Variants in CCM2L observed in about 807,000 individuals in gnomAD.
CCM2L encodes the protein CCM2 like scaffold protein.
In CCM2L, 36 loss-of-function variants were observed where a neutral mutation model predicts 54.1. That is an observed-to-expected ratio of 0.67 (90% CI 0.51 to 0.88). The LOEUF (loss-of-function observed/expected upper bound fraction) is 0.88, where lower values mean the gene tolerates loss of function less well. CCM2L is among the 40% of genes least tolerant of loss of function. The pLI, the probability that CCM2L is intolerant of heterozygous loss-of-function variation, is 0.00. For missense variants in CCM2L, 700 were observed against 812.1 expected (o/e 0.86, Z 1.68); for synonymous variants, 351 against 359.3 (o/e 0.98, Z 0.26).
intron 5 of CCM2L, among the ~76,000 whole-genome samples, chr20:32,020,892 G>A (rs1020996473): frequency 1.3e-5 from 2 of 152,122 alleles, no homozygotes; most frequent in African/African-American, 4.8e-5. Context: ...GCTGAAGCAC[G>A]AGAATCCCTT....
In CCM2L at chr20:32,019,220, G is replaced by A; in HGVS notation, c.744G>A (p.Glu248=). ...GGCAGACGTTCAGCGGCAGCTGGGA[G>A]CGGCGGCACGGAGGCGGCGGCGGCG... The part of the protein sequence containing the change: ...ERRQTFSGSW[E]RRHGGGGGGG... The change falls in exon 5 of 10, where the codon GAG becomes GAA. Residue 248 remains glutamate (E), a synonymous_variant. Coordinates refer to ENST00000452892, the MANE Select transcript of CCM2L (RefSeq NM_001365692.1). The A allele has an allele frequency of 8.7e-7, 1 of 1,154,212 alleles. No individual in the cohort carries two copies. The highest frequency in any genetic ancestry group is 1.1e-6 in the Non-Finnish European group (1 of 925,814). 71.5% of individuals were successfully genotyped at this position (1,154,212 alleles called of 1,614,324 possible).
At chr20:32,012,636 C>T (rs2122309614) in intron 1 of CCM2L, among the ~76,000 whole-genome samples, 1 of 152,268 alleles carries the variant, frequency 6.6e-6, no homozygotes, top group Non-Finnish European at 1.5e-5. Context: ...TGCACAGTCT[C>T]AAGCTCCAAC....
At chr20:32,024,748 A>G (rs1270344955) in intron 6 of CCM2L, among the ~76,000 whole-genome samples, 1 of 152,220 alleles carries the variant, frequency 6.6e-6, no homozygotes, top group African/African-American at 2.4e-5. Context: ...AATCACTCGA[A>G]CCTGGGAGGT....
rs147652161 is a variant in CCM2L, at chr20:32,011,209, G to A, written c.30+725G>A. On this transcript the variant is annotated intron_variant, in intron 1 of 9. Coordinates refer to ENST00000452892, the MANE Select transcript of CCM2L (RefSeq NM_001365692.1). The stretch of plus-strand genomic sequence containing the variant: ...GGCTCAGAAGGGAGCCAAGACATAC[G>A]TGCATGTTTTCTCTTAGTTTGTTCT... 2.4e-3 allele frequency among the ~76,000 whole-genome samples: 360 copies of A among 150,562 alleles called. 12 individuals carry two copies. The East Asian group carries it at 0.061, about 26-fold the overall frequency.
In CCM2L at chr20:32,031,340, T is replaced by C; in HGVS notation, c.*26T>C. The C allele has an allele frequency of 8.0e-7, 1 of 1,251,396 alleles. No homozygotes were observed. Among genetic ancestry groups the C allele is most frequent in the Non-Finnish European group, 1.0e-6 (1 of 971,262 alleles). The allele number at this position is 1,251,396 out of a possible 1,614,324, so 77.5% of individuals were successfully genotyped here. A position where few individuals can be genotyped will look rare whatever the true frequency, so the allele number is the denominator to read the frequency against. On this transcript the variant is annotated 3_prime_UTR_variant, in exon 10 of 10. Transcript: ENST00000452892. ...CCACCGCCCCTGCGGACGGCGTGGC[T>C]CAGCAGCCCACCTCTGAGTCTCAGC...
In CCM2L at chr20:32,015,008, TC is replaced by T; in HGVS notation, c.141del (p.Asp48ThrfsTer27). On this transcript the variant is annotated frameshift_variant, in exon 2 of 10. Coordinates refer to ENST00000452892, the MANE Select transcript of CCM2L (RefSeq NM_001365692.1). LOFTEE classifies it high-confidence loss of function. ...RRPLHSMPLY[P>X]PDYLIDPQIL... ...GGCCCCTGCACTCGATGCCCCTTTA[TC>T]CCCCCGACTACCTCATCGACCCCCA... The T allele has an allele frequency of 1.3e-6, 2 of 1,573,162 alleles. No individual in the cohort carries two copies. Among genetic ancestry groups the T allele is most frequent in the Admixed American group, 1.9e-5 (1 of 52,704 alleles).
At chr20:32,014,788 C>G in intron 1 of CCM2L, 116 bp from the exon 2 acceptor site, 1 of 984,194 alleles carries the variant, frequency 1.0e-6, no homozygotes, top group Non-Finnish European at 1.5e-6. Flanking sequence ...ACAGAGGTAC[C>G]CCTTCTGCAG....
chr20:32,020,831 A>G (rs1268616571), intron 5 of CCM2L, among the ~76,000 whole-genome samples: 1 of 152,196 alleles, frequency 6.6e-6, no homozygotes, highest in East Asian at 1.9e-4. Flanking sequence ...GAAAAATACA[A>G]AAATTAGCCA....
chr20:32,013,446 T>G, intron 1 of CCM2L, among the ~76,000 whole-genome samples: 1 of 151,944 alleles, frequency 6.6e-6, no homozygotes, highest in East Asian at 1.9e-4. Flanking sequence ...GTGGGGGTTG[T>G]TTGTTTTGTT....
In CCM2L at chr20:32,014,924, A is replaced by T; in HGVS notation, c.51A>T (p.Arg17=). ...KGKKGFVSPI[R]RLVFPKAGRR... ...CCCAGGGCTTTGTATCCCCCATCCG[A>T]AGGCTGGTGTTCCCCAAGGCCGGGC... The change falls in exon 2 of 10, where the codon CGA becomes CGT. Residue 17 remains arginine (R), a synonymous_variant. Coordinates refer to ENST00000452892, the MANE Select transcript of CCM2L (RefSeq NM_001365692.1). The T allele has an allele frequency of 1.2e-6, 2 of 1,600,038 alleles. No individual in the cohort carries two copies. The highest frequency in any genetic ancestry group is 1.7e-6 in the Non-Finnish European group (2 of 1,173,474).
At chr20:32,012,097 G>A (rs2064700407) in intron 1 of CCM2L, among the ~76,000 whole-genome samples, 2 of 152,052 alleles carry the variant, frequency 1.3e-5, no homozygotes, top group South Asian at 4.1e-4. Context: ...CTCCCAGATA[G>A]TTTCTTCTCA....
At chr20:32,025,950 C>G (rs149637353) in intron 7 of CCM2L, 31 bp downstream of exon 7, 1 of 1,299,420 alleles carries the variant, frequency 7.7e-7, no homozygotes, top group Admixed American at 2.3e-5. Flanking sequence ...GGACTCCACC[C>G]TGCTCCCCTA....
At chr20:32,025,974 A>C (rs927072253) in intron 7 of CCM2L, 55 bp downstream of exon 7, 1 of 1,251,666 alleles carries the variant, frequency 8.0e-7, no homozygotes, top group African/African-American at 1.5e-5. Flanking sequence ...CTGCACAAAC[A>C]GGGTGACTAG....
chr20:32,029,028 C>G lies in CCM2L; in HGVS notation c.1167C>G (p.Tyr389Ter), dbSNP rs1275676614. 6.2e-7 allele frequency: 1 copy of G among 1,614,082 alleles called. No homozygotes were observed. Among genetic ancestry groups the G allele is most frequent in the Non-Finnish European group, 8.5e-7 (1 of 1,180,032 alleles). Residue 389 changes from tyrosine (Y) to a stop codon, truncating the protein, a stop_gained, in exon 8 of 10, where the codon TAC becomes TAG. Transcript: ENST00000452892. LOFTEE classifies it high-confidence loss of function. ...CCCAGGACACCTTTGAAGCATGTTA[C>G]AGCGGCACGTCCACACCTTCTTTCC... ...NGSQDTFEAC[Y>*]SGTSTPSFHG...
intron 8 of CCM2L, 55 bp from the exon 9 acceptor site, chr20:32,029,645 G>A: frequency 6.5e-7 from 1 of 1,549,478 alleles, no homozygotes; most frequent in Non-Finnish European, 8.7e-7. Flanking sequence ...CTTTCAGGCA[G>A]GGGTTGGGTG....
rs2064776241 is a variant in CCM2L at position 32,019,219 on chromosome 20, A to AGCGGCGGCACGGAGGCG, written c.752_768dup (p.Gly257ThrfsTer58). 9.6e-6 allele frequency: 11 copies of AGCGGCGGCACGGAGGCG among 1,151,636 alleles called. No individual in the cohort carries two copies. The highest frequency in any genetic ancestry group is 1.2e-5 in the Non-Finnish European group (11 of 924,286). 71.3% of individuals were successfully genotyped at this position (1,151,636 alleles called of 1,614,324 possible). Reference sequence around the variant, plus strand: ...CGGCAGACGTTCAGCGGCAGCTGGGAGCGGCGGCACGGAGGCGGCGGCGGC... The same window carrying AGCGGCGGCACGGAGGCG: ...CGGCAGACGTTCAGCGGCAGCTGGGAGCGGCGGCACGGAGGCGGCGGCGGCACGGAGGCGGCGGCGGC... On this transcript the variant is annotated frameshift_variant, in exon 5 of 10. Transcript: ENST00000452892. LOFTEE classifies it high-confidence loss of function.
Position 32,019,020 on chromosome 20 carries a change from G to A in CCM2L, c.544G>A (p.Gly182Arg), listed in dbSNP as rs1389752131. The change falls in exon 5 of 10, where the codon GGG becomes AGG. Residue 182 changes from glycine (G) to arginine (R), a missense_variant. Transcript: ENST00000452892. ...AGGACGCGACCCCGGCCCGCCAGGC[G>A]GGGCGCCCGAGAAGCGGCGGGTGGG... ...GAGRDPGPPG[G>R]APEKRRVGTA... The A allele has an allele frequency of 4.3e-5, 57 of 1,330,252 alleles. No individual in the cohort carries two copies. The highest frequency in any genetic ancestry group is 6.2e-5 in the African/African-American group (4 of 64,660). The allele number at this position is 1,330,252 out of a possible 1,614,324, so 82.4% of individuals were successfully genotyped here.
Position 32,029,720 on chromosome 20 carries a change from C to T in CCM2L, c.1284C>T (p.Pro428=). Residue 428 remains proline (P), a synonymous_variant, in exon 9 of 10, where the codon CCC becomes CCT. Coordinates refer to ENST00000452892, the MANE Select transcript of CCM2L (RefSeq NM_001365692.1). ...CATAGTTGCGGAGTAAGCTGGGGCC[C>T]CTCGAGATCCAGCAGTTTGCGATGC... ...YMVTLRSKLG[P]LEIQQFAMLL... is the part of the protein sequence containing the mutation. The T allele has an allele frequency of 6.2e-7, 1 of 1,611,792 alleles. No individual in the cohort carries two copies. Among genetic ancestry groups the T allele is most frequent in the Non-Finnish European group, 8.5e-7 (1 of 1,178,762 alleles).
chr20:32,022,875 G>A, intron 6 of CCM2L, 80 bp downstream of exon 6: 1 of 1,511,164 alleles, frequency 6.6e-7, no homozygotes. Context: ...CCAGGACTTG[G>A]GCTGATGAAG....
Sources: allele counts gnomAD v4.1 joint callset (sites outside exome capture counted in the v4.1 genomes callset), GRCh38; gene constraint gnomAD v4.1.1; transcripts MANE v1.5; gene names NCBI Gene and HGNC (gene_info 2026-07-23, HGNC 2026-07-21).